Variants in YPEL1 observed in about 807,000 individuals in gnomAD.
YPEL1 encodes protein yippee-like 1.
Under a neutral mutation model 17.3 loss-of-function variants are expected in YPEL1, and 7 were observed. That is an observed-to-expected ratio of 0.40 (90% confidence interval 0.23 to 0.76). The LOEUF (loss-of-function observed/expected upper bound fraction) is 0.76, where lower values mean the gene tolerates loss of function less well. Among genes scored for constraint, YPEL1 ranks in the 30% least tolerant of loss-of-function variants. YPEL1 has a pLI of 0.35. For missense variants in YPEL1, 91 were observed against 155.5 expected (o/e 0.59, Z 2.21); for synonymous variants, 59 against 59.6 (o/e 0.99, Z 0.05).
chr22:21,708,073 T>C (rs988890966), intron 2 of YPEL1, among the ~76,000 whole-genome samples: 2 of 151,638 alleles, frequency 1.3e-5, no homozygotes, highest in Non-Finnish European at 2.9e-5. Context: ...ACAGTGCCTC[T>C]CGCCTCGCAG....
intron 1 of YPEL1, among the ~76,000 whole-genome samples, chr22:21,711,523 G>C (rs1008627049): frequency 2.6e-5 from 4 of 152,134 alleles, no homozygotes; most frequent in Non-Finnish European, 5.9e-5. Flanking sequence ...GTGAGTGATG[G>C]ATCCAGTATT....
At chr22:21,728,630 G>A (rs5994846) in intron 1 of YPEL1, among the ~76,000 whole-genome samples, 55,321 of 151,986 alleles carry the variant, frequency 0.36, 10,525 homozygotes, top group East Asian at 0.43. Flanking sequence ...CTTGGACCAC[G>A]GTGTCCAAGG....
chr22:21,705,292 A>G (rs1444818426), intron 2 of YPEL1, among the ~76,000 whole-genome samples: 1 of 152,184 alleles, frequency 6.6e-6, no homozygotes, highest in Non-Finnish European at 1.5e-5. Context: ...ATTACAGTTT[A>G]TAATGGAGGC....
chr22:21,705,246 C>T (rs912747199), intron 2 of YPEL1, among the ~76,000 whole-genome samples: 1 of 152,148 alleles, frequency 6.6e-6, no homozygotes, highest in East Asian at 1.9e-4. Flanking sequence ...CCCCAAGTGA[C>T]GGGATTGCAG....
intron 1 of YPEL1, among the ~76,000 whole-genome samples, chr22:21,729,664 G>A (rs1241474999): frequency 6.6e-6 from 1 of 152,192 alleles, no homozygotes; most frequent in Non-Finnish European, 1.5e-5. Flanking sequence ...GGTGCTCTGT[G>A]ATCCAGCCAT....
intron 1 of YPEL1, among the ~76,000 whole-genome samples, chr22:21,721,651 T>C (rs1309674182): frequency 6.6e-6 from 1 of 152,212 alleles, no homozygotes; most frequent in Non-Finnish European, 1.5e-5. Flanking sequence ...CTCCAACTCC[T>C]GACCTCAAGT....
chr22:21,704,192 C>A, intron 2 of YPEL1: 5 of 717,940 alleles, frequency 7.0e-6, no homozygotes, highest in South Asian at 5.9e-5. Flanking sequence ...GACAACTTTA[C>A]CTTAGAGGAG....
chr22:21,716,186 GGAGT>G (rs1304686777), intron 1 of YPEL1, among the ~76,000 whole-genome samples: 1 of 152,212 alleles, frequency 6.6e-6, no homozygotes, highest in Non-Finnish European at 1.5e-5. Context: ...TGGGATTACA[GGAGT>G]GAGCCACCGC....
chr22:21,705,863 C>T (rs988982360), intron 2 of YPEL1, among the ~76,000 whole-genome samples: 5 of 151,788 alleles, frequency 3.3e-5, no homozygotes, highest in Non-Finnish European at 7.4e-5. Flanking sequence ...GGCGCGGTGG[C>T]TCACGCATGT....
At chr22:21,712,536 T>A (rs1367218534) in intron 1 of YPEL1, among the ~76,000 whole-genome samples, 1 of 151,280 alleles carries the variant, frequency 6.6e-6, no homozygotes, top group Non-Finnish European at 1.5e-5. Context: ...ACCACCCTAG[T>A]CAACATGGCG....
chr22:21,733,872 G>A (rs1569068274), intron 1 of YPEL1, among the ~76,000 whole-genome samples: 1 of 152,180 alleles, frequency 6.6e-6, no homozygotes, highest in Non-Finnish European at 1.5e-5. Context: ...GTGAAGACAG[G>A]CAAGAATCAA....
intron 1 of YPEL1, among the ~76,000 whole-genome samples, chr22:21,713,486 C>T (rs1193083414): frequency 6.6e-6 from 1 of 152,160 alleles, no homozygotes; most frequent in African/African-American, 2.4e-5. Flanking sequence ...ACCCTGAGGA[C>T]ACTATGCTCA....
chr22:21,720,144 C>T (rs1324979844), intron 1 of YPEL1, among the ~76,000 whole-genome samples: 1 of 145,170 alleles, frequency 6.9e-6, no homozygotes, highest in Non-Finnish European at 1.5e-5. Context: ...CACCAATGCA[C>T]TCTAGCCTGG....
chr22:21,722,801 C>T (rs1429429061), intron 1 of YPEL1: 1 of 152,138 alleles, frequency 6.6e-6, no homozygotes, highest in Non-Finnish European at 1.5e-5. Flanking sequence ...CAAAGGACAC[C>T]TGTGTTAGGA....
Position 21,710,880 on chromosome 22 carries a change from A to T in YPEL1, c.-136T>A. The T allele has an allele frequency of 1.3e-6, 1 of 777,940 alleles. No homozygotes were observed. The highest frequency in any genetic ancestry group is 2.3e-6 in the Non-Finnish European group (1 of 440,406). 48.2% of individuals were successfully genotyped at this position (777,940 alleles called of 1,614,324 possible). The stretch of plus-strand genomic sequence containing the variant: ...TCCAGGAGGGCGTGTGGCACTGTCC[A>T]CACAGCTGGGACGAGAGAAAAACGT... On this transcript the variant is annotated 5_prime_UTR_variant, in exon 2 of 5. Transcript: ENST00000339468.
chr22:21,735,236 G>C (rs1254736696), intron 1 of YPEL1, among the ~76,000 whole-genome samples: 1 of 152,114 alleles, frequency 6.6e-6, no homozygotes, highest in African/African-American at 2.4e-5. Context: ...ATTCCTAGGA[G>C]ACCTCTTTTG....
intron 1 of YPEL1, among the ~76,000 whole-genome samples, chr22:21,719,080 CCATCTCTTCCATCTGG>C (rs1211930625): frequency 2.0e-5 from 3 of 152,162 alleles, no homozygotes; most frequent in African/African-American, 4.8e-5. Flanking sequence ...CTGAACCCTG[CCATCTCTTCCATCTGG>C]CATCTCTTCC....
intron 2 of YPEL1, among the ~76,000 whole-genome samples, chr22:21,705,853 G>C (rs9622011): frequency 6.6e-6 from 1 of 152,120 alleles, no homozygotes; most frequent in Non-Finnish European, 1.5e-5. Context: ...AAATAGGCCA[G>C]GCGCGGTGGC....
At chr22:21,715,667 C>T (rs1324332170) in intron 1 of YPEL1, among the ~76,000 whole-genome samples, 3 of 120,904 alleles carry the variant, frequency 2.5e-5, no homozygotes, top group East Asian at 1.9e-4. Flanking sequence ...CTGCAACCTC[C>T]GCCTCCCGGG....
Sources: gnomAD v4.1 joint callset for allele counts (sites outside exome capture counted in the v4.1 genomes callset) on GRCh38, gnomAD v4.1.1 for gene constraint, MANE v1.5 for transcripts, NCBI Gene and HGNC (gene_info 2026-07-23, HGNC 2026-07-21) for gene names.